Variants in AIM2 observed in about 807,000 individuals in gnomAD.
The protein encoded by AIM2 is absent in melanoma 2.
In AIM2, 30 loss-of-function variants were observed where a neutral mutation model predicts 27.7. The observed-to-expected ratio is 1.08, with a 90% confidence interval of 0.81 to 1.47. AIM2 has a LOEUF of 1.47. Ranked by LOEUF, AIM2 falls within the 40% of genes most tolerant of loss-of-function variation. The pLI is 0.00. For missense variants in AIM2, 358 were observed against 411.3 expected, an observed-to-expected ratio of 0.87 and a Z score of 1.12; for synonymous variants, 141 against 145.3, an observed-to-expected ratio of 0.97 and a Z score of 0.21.
At chr1:159,111,349 A>C (rs1009955718) in intron 1 of AIM2, among the ~76,000 whole-genome samples, 1 of 152,212 alleles carries the variant, frequency 6.6e-6, no homozygotes, top group African/African-American at 2.4e-5. Context: ...AGCAAAGCAA[A>C]ATAGACGTTG....
chr1:159,114,506 C>T (rs548831043), intron 1 of AIM2, among the ~76,000 whole-genome samples: 2 of 152,222 alleles, frequency 1.3e-5, no homozygotes, highest in East Asian at 1.9e-4. Context: ...CACTTGAGGC[C>T]AGGAGTTTGA....
In AIM2 at chr1:159,103,700, G is replaced by A. The variant is rs998175707; in HGVS notation, c.-16+36731C>T. 2.0e-5 allele frequency among the ~76,000 whole-genome samples: 3 copies of A among 152,284 alleles called. No homozygotes were observed. In the South Asian group the frequency reaches 6.2e-4, roughly 32 times the overall value. ...ATACAAGAGAGATACACTAACTCCT[G>A]AGTCTTCCCTTTTTCCACTGCCTTG... is the stretch of plus-strand genomic sequence containing the variant. On this transcript the variant is annotated intron_variant, in intron 1 of 2. Transcript: ENST00000368129.
At chr1:159,139,018 T>C (rs1648063852) in intron 1 of AIM2, among the ~76,000 whole-genome samples, 3 of 152,234 alleles carry the variant, frequency 2.0e-5, no homozygotes, top group Admixed American at 2.0e-4. Context: ...AAAATTGTTA[T>C]CACACACAGA....
At chr1:159,094,077 T>C (rs2102011656) in intron 1 of AIM2, among the ~76,000 whole-genome samples, 1 of 152,262 alleles carries the variant, frequency 6.6e-6, no homozygotes, top group African/African-American at 2.4e-5. Flanking sequence ...CTTAATATAT[T>C]GTTCATTGTT....
intron 1 of AIM2, among the ~76,000 whole-genome samples, chr1:159,106,326 C>T (rs981275315): frequency 2.0e-5 from 3 of 152,248 alleles, no homozygotes; most frequent in Non-Finnish European, 2.9e-5. Flanking sequence ...TCCCCTGCTA[C>T]AGCCAGCATC....
Position 159,071,107 on chromosome 1 carries a change from T to G in AIM2, c.262+2131A>C, listed in dbSNP as rs544324595. Among the ~76,000 whole-genome samples the G allele has an allele frequency of 2.6e-5, 4 of 152,372 alleles. No homozygotes were observed. In the East Asian group the frequency reaches 7.7e-4, roughly 29 times the overall value. ...GGACTTTTGTGGACTTTGATCACAT[T>G]TTCTCTTAGCTTCCTTTTTCTACGC... On this transcript the variant is annotated intron_variant, in intron 2 of 5. Coordinates refer to ENST00000368130, the MANE Select transcript of AIM2 (RefSeq NM_004833.3).
chr1:159,143,046 T>TA (rs1434477174), upstream of AIM2, among the ~76,000 whole-genome samples: 1 of 152,158 alleles, frequency 6.6e-6, no homozygotes, highest in Non-Finnish European at 1.5e-5. Context: ...TCATACAAGA[T>TA]AGTTATTTCT....
At chr1:159,135,283 G>C (rs1647992371) in intron 1 of AIM2, among the ~76,000 whole-genome samples, 1 of 152,168 alleles carries the variant, frequency 6.6e-6, no homozygotes, top group South Asian at 2.1e-4. Flanking sequence ...TGGATAATCA[G>C]GGACTACCCC....
chr1:159,075,882 G>C (rs993974505), intron 1 of AIM2, among the ~76,000 whole-genome samples: 1 of 152,102 alleles, frequency 6.6e-6, no homozygotes, highest in Non-Finnish European at 1.5e-5. Flanking sequence ...GTGAATTTTA[G>C]GGAAGCTTGA....
downstream of AIM2, among the ~76,000 whole-genome samples, chr1:159,057,961 G>A (rs1571906478): frequency 6.6e-6 from 1 of 152,190 alleles, no homozygotes; most frequent in Non-Finnish European, 1.5e-5. Context: ...TTAAAGCCAA[G>A]CCCAGTCATG....
chr1:159,145,337 T>C (rs1311262809), upstream of AIM2, among the ~76,000 whole-genome samples: 1 of 152,202 alleles, frequency 6.6e-6, no homozygotes, highest in Admixed American at 6.5e-5. Context: ...ATGCCTATTA[T>C]GCATTTTCTG....
rs778047649 is a variant in AIM2 at position 159,063,580 on chromosome 1, C to T, written c.911G>A (p.Cys304Tyr). 3.1e-6 allele frequency: 5 copies of T among 1,614,072 alleles called. No homozygotes were observed. Among genetic ancestry groups the T allele is most frequent in the Non-Finnish European group, 3.4e-6 (4 of 1,180,032 alleles). Residue 304 changes from cysteine (C) to tyrosine (Y), a missense_variant, in exon 5 of 6, where the codon TGT becomes TAT. By Grantham distance (194) the Cys-to-Tyr change is radical. Coordinates refer to ENST00000368130, the MANE Select transcript of AIM2 (RefSeq NM_004833.3). The part of the protein sequence containing the change: ...LGVRNEDTMK[C>Y]KEGDKVRLTF... ...AAGTCGAACCTTATCTCCTTCCTTA[C>T]ATTTCATTGTGTCCTCGTTTCTAAC...
intron 1 of AIM2, among the ~76,000 whole-genome samples, chr1:159,119,494 G>A (rs1354044277): frequency 6.6e-6 from 1 of 151,950 alleles, no homozygotes; most frequent in Non-Finnish European, 1.5e-5. Flanking sequence ...AACTCAGTCA[G>A]TGACAGCCCC....
chr1:159,091,345 C>A (rs1570958887), intron 1 of AIM2, among the ~76,000 whole-genome samples: 1 of 152,278 alleles, frequency 6.6e-6, no homozygotes, highest in East Asian at 1.9e-4. Context: ...TGAAAAAATG[C>A]TGGGTAGAGT....
At chr1:159,058,008 C>G (rs1655713889), downstream of AIM2, among the ~76,000 whole-genome samples, 1 of 152,188 alleles carries the variant, frequency 6.6e-6, no homozygotes, top group African/African-American at 2.4e-5. Flanking sequence ...TTGAGTGATT[C>G]TCTTCTCTTA....
At chr1:159,120,092 C>A (rs1256362766) in intron 1 of AIM2, among the ~76,000 whole-genome samples, 1 of 151,944 alleles carries the variant, frequency 6.6e-6, no homozygotes, top group Non-Finnish European at 1.5e-5. Flanking sequence ...ATATTTATTT[C>A]TCTTTTCTCA....
At chr1:159,110,112 T>C (rs1657533745) in intron 1 of AIM2, among the ~76,000 whole-genome samples, 1 of 152,184 alleles carries the variant, frequency 6.6e-6, no homozygotes, top group Admixed American at 6.5e-5. Flanking sequence ...TGCACACACA[T>C]GTTTATAGCA....
chr1:159,107,933 T>G (rs1471687499), intron 1 of AIM2, among the ~76,000 whole-genome samples: 1 of 152,004 alleles, frequency 6.6e-6, no homozygotes, highest in African/African-American at 2.4e-5. Flanking sequence ...ACAAAAAAAG[T>G]CCAGGACCAG....
At chr1:159,108,445 G>A (rs1208498676) in intron 1 of AIM2, among the ~76,000 whole-genome samples, 3 of 152,088 alleles carry the variant, frequency 2.0e-5, no homozygotes, top group Admixed American at 6.5e-5. Flanking sequence ...AATACTGAAT[G>A]GGGAAAAGTT....
Sources: gnomAD v4.1 joint callset for allele counts (sites outside exome capture counted in the v4.1 genomes callset) on GRCh38, gnomAD v4.1.1 for gene constraint, MANE v1.5 for transcripts, NCBI Gene and HGNC (gene_info 2026-07-23, HGNC 2026-07-21) for gene names.